The following PRRX2 variants were observed in gnomAD, a reference collection of about 807,000 sequenced individuals.
PRRX2 encodes the protein paired related homeobox 2, also known as paired mesoderm homeobox protein 2.
PRRX2 carries 11 observed loss-of-function variants against 18.0 expected under a neutral mutation model. The observed-to-expected ratio is 0.61, with a 90% CI of 0.39 to 1.01. The LOEUF is 1.01. Among genes scored for constraint, PRRX2 ranks in the 50% least tolerant of loss-of-function variants. The pLI, the probability that PRRX2 is intolerant of heterozygous loss-of-function variation, is 0.01. For synonymous variants in PRRX2, 177 were observed against 154.8 expected (o/e 1.14, Z -1.06); for missense variants, 387 against 351.0 (o/e 1.10, Z -0.82).
chr9:129,719,911 C>T (rs1376370894), intron 2 of PRRX2, among the ~76,000 whole-genome samples: 1 of 152,092 alleles, frequency 6.6e-6, no homozygotes, highest in Non-Finnish European at 1.5e-5. Flanking sequence ...CGCTTGAACT[C>T]GGGAGGTAGA....
At chr9:129,680,412 AAAAAGAAAAG>A (rs903433289) in intron 1 of PRRX2, among the ~76,000 whole-genome samples, 1 of 134,770 alleles carries the variant, frequency 7.4e-6, no homozygotes, top group Non-Finnish European at 1.5e-5. Context: ...AAAAAAAAAA[AAAAAGAAAAG>A]AAAAGAAAAG....
At chr9:129,710,047 A>G (rs1328538756) in intron 1 of PRRX2, among the ~76,000 whole-genome samples, 1 of 152,104 alleles carries the variant, frequency 6.6e-6, no homozygotes, top group Non-Finnish European at 1.5e-5. Flanking sequence ...CAGAGCTACA[A>G]TGGGAGAGGC....
At chr9:129,692,359 C>A (rs911477913) in intron 1 of PRRX2, among the ~76,000 whole-genome samples, 10 of 151,734 alleles carry the variant, frequency 6.6e-5, no homozygotes, top group South Asian at 2.1e-4. Context: ...CATCCCCCAC[C>A]AGAGTGTTAC....
intron 1 of PRRX2, among the ~76,000 whole-genome samples, chr9:129,699,832 A>C (rs1832472542): frequency 6.6e-6 from 1 of 152,090 alleles, no homozygotes; most frequent in African/African-American, 2.4e-5. Flanking sequence ...TTTGGGGAGG[A>C]AGTGTCCCAG....
At chr9:129,721,904 G>T (rs568643491) in intron 3 of PRRX2, among the ~76,000 whole-genome samples, 1 of 152,230 alleles carries the variant, frequency 6.6e-6, no homozygotes, top group Admixed American at 6.5e-5. Flanking sequence ...TTAAATCCAG[G>T]TGCCTGTTCA....
intron 1 of PRRX2, among the ~76,000 whole-genome samples, chr9:129,674,734 A>G (rs933375494): frequency 6.6e-6 from 1 of 152,142 alleles, no homozygotes; most frequent in Non-Finnish European, 1.5e-5. Context: ...GAGTCAGGAC[A>G]TGGGGTTCCT....
intron 1 of PRRX2, among the ~76,000 whole-genome samples, chr9:129,697,783 G>T (rs1472128501): frequency 5.9e-5 from 9 of 152,116 alleles, no homozygotes; most frequent in African/African-American, 1.7e-4. Flanking sequence ...CCCTGCTAGC[G>T]CCCCCGCTGT....
chr9:129,703,686 T>A (rs1000756799), intron 1 of PRRX2, among the ~76,000 whole-genome samples: 1 of 151,592 alleles, frequency 6.6e-6, no homozygotes, highest in Non-Finnish European at 1.5e-5. Context: ...AGAAAAAAAA[T>A]TAAGGGTGTG....
At chr9:129,711,655 C>T (rs979188225) in intron 1 of PRRX2, among the ~76,000 whole-genome samples, 2 of 152,032 alleles carry the variant, frequency 1.3e-5, no homozygotes, top group South Asian at 2.1e-4. Context: ...GCATTCCACT[C>T]GCCTCGGCCT....
intron 1 of PRRX2, among the ~76,000 whole-genome samples, chr9:129,681,887 G>A (rs1399066102): frequency 6.6e-6 from 1 of 152,160 alleles, no homozygotes; most frequent in Non-Finnish European, 1.5e-5. Flanking sequence ...GAGGCTTCTG[G>A]GCTCCCTGGG....
intron 1 of PRRX2, among the ~76,000 whole-genome samples, chr9:129,674,038 A>G (rs1832134948): frequency 6.6e-6 from 1 of 152,134 alleles, no homozygotes; most frequent in Non-Finnish European, 1.5e-5. Context: ...GCCCCTCCCA[A>G]GGAGCATGGC....
chr9:129,701,693 C>T lies in PRRX2; in HGVS notation c.260-17538C>T, dbSNP rs952691033. 4.6e-5 allele frequency among the ~76,000 whole-genome samples: 7 copies of T among 152,234 alleles called. No homozygotes were observed. The East Asian group carries it at 1.3e-3, about 29-fold the overall frequency. ...AAACAGAAAATGATATTCATGCACA[C>T]TGTAAATGGAGTCATGTGATAGCTA... On this transcript the variant is annotated intron_variant, in intron 1 of 3. Transcript: ENST00000372469.
intron 1 of PRRX2, among the ~76,000 whole-genome samples, chr9:129,694,331 T>C (rs1414647586): frequency 6.6e-6 from 1 of 152,210 alleles, no homozygotes; most frequent in Non-Finnish European, 1.5e-5. Context: ...ACTATGGGTG[T>C]GTGCCACCAT....
intron 1 of PRRX2, among the ~76,000 whole-genome samples, chr9:129,667,061 A>ACAGGAGGTG (rs1188830972): frequency 6.6e-6 from 1 of 151,934 alleles, no homozygotes; most frequent in African/African-American, 2.4e-5. Context: ...CTTTTCAGAG[A>ACAGGAGGTG]CAGGAGGTGC....
At chr9:129,690,504 C>CTTTTTT (rs34070492) in intron 1 of PRRX2, among the ~76,000 whole-genome samples, 34 of 130,946 alleles carry the variant, frequency 2.6e-4, no homozygotes, top group Admixed American at 1.0e-3. Context: ...GGTGCCAGCT[C>CTTTTTT]TTTTTTTTTT....
intron 1 of PRRX2, among the ~76,000 whole-genome samples, chr9:129,678,264 T>A (rs886162509): frequency 2.6e-5 from 4 of 152,096 alleles, no homozygotes; most frequent in Admixed American, 2.0e-4. Context: ...GTGCCCAGCC[T>A]AGGGGGCGGC....
chr9:129,697,540 A>G (rs955088518), intron 1 of PRRX2, among the ~76,000 whole-genome samples: 1 of 151,016 alleles, frequency 6.6e-6, no homozygotes, highest in Admixed American at 6.6e-5. Context: ...GCGCGCTCGC[A>G]CGCACTGGCT....
In PRRX2 at chr9:129,715,717, AGT is replaced by A. The variant is rs1210993074; in HGVS notation, c.260-3512_260-3511del. On this transcript the variant is annotated intron_variant, in intron 1 of 3. Transcript: ENST00000372469. This position sits in a 1 kb window ranked among gnomAD's most constrained non-coding sequence, Gnocchi z 4.0. ...GCAAAATTGCCCTCGGTTGAGAAGC[AGT>A]GGTCCAAACCCAGCTTCAGGGACAT... 6.6e-6 allele frequency among the ~76,000 whole-genome samples: 1 copy of A among 151,144 alleles called. No homozygotes were observed. Among genetic ancestry groups the A allele is most frequent in the Non-Finnish European group, 1.5e-5 (1 of 67,900 alleles).
intron 1 of PRRX2, among the ~76,000 whole-genome samples, chr9:129,713,417 AC>A (rs996417497): frequency 6.6e-5 from 10 of 152,052 alleles, no homozygotes; most frequent in African/African-American, 2.4e-4. Flanking sequence ...TTCCTTTAGG[AC>A]GAAGAGGTGA....
Sources: gnomAD v4.1 joint callset for allele counts (sites outside exome capture counted in the v4.1 genomes callset) on GRCh38, gnomAD v4.1.1 for gene constraint, Gnocchi (gnomAD v3.1) non-coding constraint, MANE v1.5 for transcripts, NCBI Gene and HGNC (gene_info 2026-07-23, HGNC 2026-07-21) for gene names.